TMEM132C: variants seen among roughly 807,000 people sequenced by gnomAD.
TMEM132C encodes protein phosphatase 1, regulatory subunit 152.
In TMEM132C, 29 loss-of-function variants were observed where a neutral mutation model predicts 61.4. The ratio of observed to expected loss-of-function variants is 0.47; its 90% CI spans 0.35 to 0.64. TMEM132C has a LOEUF of 0.64. Ranked by LOEUF, TMEM132C falls within the 30% of genes least tolerant of loss-of-function variation. TMEM132C has a pLI of 0.00. For synonymous variants in TMEM132C, 656 were observed against 633.1 expected, an observed-to-expected ratio of 1.04 and a Z score of -0.54; for missense variants, 1,408 against 1,476.9, an observed-to-expected ratio of 0.95 and a Z score of 0.76.
intron 1 of TMEM132C, among the ~76,000 whole-genome samples, chr12:128,400,609 T>G (rs900171484): frequency 2.6e-5 from 4 of 151,276 alleles, no homozygotes; most frequent in African/African-American, 9.7e-5. Context: ...GTTTTTTTTT[T>G]TTTTTGTTTG....
At chr12:128,697,445 G>A (rs566719887) in intron 8 of TMEM132C, 30 bp downstream of exon 8, 1 of 1,507,278 alleles carries the variant, frequency 6.6e-7, no homozygotes, top group South Asian at 1.3e-5. Context: ...AGGTTCAGAG[G>A]GAGCAGGGTC....
At chr12:128,474,237 G>C (rs540740564) in intron 2 of TMEM132C, among the ~76,000 whole-genome samples, 31 of 152,260 alleles carry the variant, frequency 2.0e-4, no homozygotes, top group African/African-American at 6.7e-4. Context: ...GAAATCCCTG[G>C]TGATGCAGAT....
chr12:128,600,193 A>G (rs111682125), intron 3 of TMEM132C, among the ~76,000 whole-genome samples: 2 of 152,258 alleles, frequency 1.3e-5, no homozygotes, highest in East Asian at 3.9e-4. Context: ...CGTGTTAGCC[A>G]GGATGGTCTA....
chr12:128,648,503 G>T (rs368588305), intron 4 of TMEM132C, among the ~76,000 whole-genome samples: 1 of 147,954 alleles, frequency 6.8e-6, no homozygotes, highest in Non-Finnish European at 1.5e-5. Context: ...TGTGTTTACT[G>T]GAGTCTGTCA....
intron 3 of TMEM132C, among the ~76,000 whole-genome samples, chr12:128,562,831 CTT>C (rs1874571572): frequency 3.3e-5 from 5 of 152,210 alleles, no homozygotes; most frequent in Admixed American, 2.6e-4. Context: ...AGATTTCTCT[CTT>C]GTTTGTGTGT....
At chr12:128,465,321 C>T (rs985540337) in intron 2 of TMEM132C, among the ~76,000 whole-genome samples, 3 of 152,042 alleles carry the variant, frequency 2.0e-5, no homozygotes, top group African/African-American at 7.2e-5. Context: ...GACTCAGCCT[C>T]CCGAGTAGCT....
At chr12:128,290,750 TCA>T (rs1871220499) in intron 1 of TMEM132C, among the ~76,000 whole-genome samples, 1 of 151,534 alleles carries the variant, frequency 6.6e-6, no homozygotes, top group Non-Finnish European at 1.5e-5. Flanking sequence ...ACTCCTTCTC[TCA>T]GAGGAGAGAA....
chr12:128,319,995 A>G (rs1231568224), intron 1 of TMEM132C, among the ~76,000 whole-genome samples: 2 of 152,170 alleles, frequency 1.3e-5, no homozygotes, highest in Non-Finnish European at 2.9e-5. Flanking sequence ...TTGTCAATGT[A>G]AAGATTATCA....
At chr12:128,692,212 CTCCATCTG>C (rs1210082934) in intron 5 of TMEM132C, among the ~76,000 whole-genome samples, 22 of 152,192 alleles carry the variant, frequency 1.4e-4, no homozygotes, top group Admixed American at 1.4e-3. Context: ...TCATCCTTTC[CTCCATCTG>C]TCCATCTGTC....
intron 2 of TMEM132C, among the ~76,000 whole-genome samples, chr12:128,478,282 T>G (rs1457796155): frequency 6.6e-6 from 1 of 152,224 alleles, no homozygotes; most frequent in Non-Finnish European, 1.5e-5. Flanking sequence ...AAACACTGAT[T>G]GTTGTTTTTT....
At chr12:128,694,144 G>C in intron 6 of TMEM132C, 110 bp downstream of exon 6, 1 of 1,279,942 alleles carries the variant, frequency 7.8e-7, no homozygotes, top group Non-Finnish European at 1.1e-6. Flanking sequence ...CTCAGCAGTT[G>C]AATCTCCCCA....
At chr12:128,313,434 C>T (rs989246431) in intron 1 of TMEM132C, among the ~76,000 whole-genome samples, 1 of 152,218 alleles carries the variant, frequency 6.6e-6, no homozygotes, top group Non-Finnish European at 1.5e-5. Context: ...CACCCTGAGG[C>T]AGACCGGAGG....
At chr12:128,275,472 A>G (rs966130447) in intron 1 of TMEM132C, among the ~76,000 whole-genome samples, 5 of 152,200 alleles carry the variant, frequency 3.3e-5, no homozygotes, top group Non-Finnish European at 5.9e-5. Context: ...GTCTAGTTGC[A>G]GGAAGACAAG....
chr12:128,452,871 T>A (rs1173119466), intron 2 of TMEM132C, among the ~76,000 whole-genome samples: 1 of 152,216 alleles, frequency 6.6e-6, no homozygotes, highest in Admixed American at 6.5e-5. Context: ...TTTCATTTTT[T>A]ATCAAGTAGC....
At chr12:128,696,743 C>T (rs35371424) in intron 7 of TMEM132C, among the ~76,000 whole-genome samples, 21,652 of 152,228 alleles carry the variant, frequency 0.14, 1,856 homozygotes, top group Middle Eastern at 0.2. Flanking sequence ...GTCATTTCCC[C>T]TGGACATCTC....
intron 1 of TMEM132C, among the ~76,000 whole-genome samples, chr12:128,361,310 A>T (rs1415527124): frequency 6.6e-6 from 1 of 152,090 alleles, no homozygotes; most frequent in African/African-American, 2.4e-5. Flanking sequence ...GAGGGGAAGG[A>T]TGGGAGGATA....
At chr12:128,677,491 G>A (rs1954600630) in intron 5 of TMEM132C, among the ~76,000 whole-genome samples, 1 of 152,174 alleles carries the variant, frequency 6.6e-6, no homozygotes, top group South Asian at 2.1e-4. Context: ...TGCTGGGGAT[G>A]GGGTGGTCCT....
intron 5 of TMEM132C, among the ~76,000 whole-genome samples, chr12:128,683,976 A>AAATG (rs1300187094): frequency 3.5e-5 from 1 of 28,884 alleles, no homozygotes; most frequent in African/African-American, 1.5e-4. Context: ...GAAATTAAAT[A>AAATG]AATAAATAAA....
At chr12:128,451,082 A>C (rs1870161405) in intron 2 of TMEM132C, among the ~76,000 whole-genome samples, 1 of 152,204 alleles carries the variant, frequency 6.6e-6, no homozygotes. Flanking sequence ...CTCTAGCCAG[A>C]GAGTAAAAGC....
Sources: allele counts gnomAD v4.1 joint callset (sites outside exome capture counted in the v4.1 genomes callset), GRCh38; gene constraint gnomAD v4.1.1; transcripts MANE v1.5; gene names NCBI Gene and HGNC (gene_info 2026-07-23, HGNC 2026-07-21).